FBN2: variants seen among roughly 807,000 people sequenced by gnomAD.
FBN2 encodes fibrillin-2.
A neutral mutation model predicts 355.6 loss-of-function variants in FBN2; 105 were observed. That is an observed-to-expected ratio of 0.30 (90% CI 0.25 to 0.35). The LOEUF (loss-of-function observed/expected upper bound fraction) is 0.35. FBN2 is among the 10% of genes least tolerant of loss of function. FBN2 has a pLI of 1.00. For synonymous variants in FBN2, 1,350 were observed against 1,301.2 expected (o/e 1.04, Z -0.81); for missense variants, 3,280 against 3,758.7 (o/e 0.87, Z 3.33).
rs1340754117 is a variant in FBN2, at chr5:128,310,390, ATATATATATATATTTTTT to A, written c.5075-300_5075-283del. 0.04 allele frequency among the ~76,000 whole-genome samples: 1,186 copies of A among 30,006 alleles called. 17 individuals carry two copies. The highest frequency in any genetic ancestry group is 0.16 in the South Asian group (204 of 1,242). 19.7% of individuals were successfully genotyped at this position (30,006 alleles called of 152,430 possible). On this transcript the variant is annotated intron_variant, in intron 39 of 64. Coordinates refer to ENST00000262464, the MANE Select transcript of FBN2 (RefSeq NM_001999.4). ...CATATATATATATATATATATATAT[ATATATATATATATTTTTT>A]TTTTTTTTTTTTTATTGCAATTCGC...
rs190450 is a variant in FBN2, at chr5:128,278,780, A to G, written c.7200T>C (p.Ser2400=). The G allele has an allele frequency of 0.7, 1,134,182 of 1,613,582 alleles. 400,515 individuals carry two copies. The highest frequency in any genetic ancestry group is 0.87 in the East Asian group (39,050 of 44,838). ...CTGACTTAGTGACGAGATTGCGACTACTGGATGCCATTTGACATATTGTCT... is the reference window on the plus strand; with the variant it reads ...CTGACTTAGTGACGAGATTGCGACTGCTGGATGCCATTTGACATATTGTCT... ...VLQTICQMAS[S]SRNLVTKSEC... is the part of the protein sequence containing the mutation. The change falls in exon 57 of 65, where the codon AGT becomes AGC. Residue 2400 remains serine (S), a synonymous_variant. Coordinates refer to ENST00000262464, the MANE Select transcript of FBN2 (RefSeq NM_001999.4).
chr5:128,345,004 G>T (rs1327195042), intron 24 of FBN2, among the ~76,000 whole-genome samples: 1 of 152,122 alleles, frequency 6.6e-6, no homozygotes, highest in Non-Finnish European at 1.5e-5. Flanking sequence ...CCCGGCCAAA[G>T]ATTCTATATG....
intron 25 of FBN2, among the ~76,000 whole-genome samples, chr5:128,340,359 C>A (rs545200995): frequency 6.6e-6 from 1 of 152,270 alleles, no homozygotes; most frequent in African/African-American, 2.4e-5. Context: ...GTATTTATTT[C>A]TCCAATTACA....
At chr5:128,275,902 G>A (rs1765384048) in intron 59 of FBN2, 136 bp downstream of exon 59, 2 of 957,950 alleles carry the variant, frequency 2.1e-6, no homozygotes, top group South Asian at 2.7e-5. Flanking sequence ...GTTTTTCTAT[G>A]AGCAATAACA....
intron 5 of FBN2, among the ~76,000 whole-genome samples, chr5:128,485,029 CTT>C (rs60338249): frequency 1.3e-5 from 2 of 149,368 alleles, no homozygotes; most frequent in East Asian, 3.9e-4. Context: ...CACAAGGAAA[CTT>C]TTTTTTTTTT....
chr5:128,523,522 C>T (rs138448185), intron 4 of FBN2, among the ~76,000 whole-genome samples: 304 of 152,152 alleles, frequency 2.0e-3, no homozygotes, highest in African/African-American at 6.9e-3. Flanking sequence ...TATAATAATT[C>T]GGTCTATACG....
intron 7 of FBN2, among the ~76,000 whole-genome samples, chr5:128,414,406 T>A (rs534579100): frequency 6.6e-6 from 1 of 152,188 alleles, no homozygotes; most frequent in Non-Finnish European, 1.5e-5. Flanking sequence ...TCTGGCTTCT[T>A]TCACTTAGTT....
At position 128,537,697 on chromosome 5, in the gene FBN2, A is replaced by G. The variant is rs1351831553; in HGVS notation, c.-94T>C. The G allele has an allele frequency of 7.7e-7, 1 of 1,294,372 alleles. No individual in the cohort carries two copies. Among genetic ancestry groups the G allele is most frequent in the Non-Finnish European group, 1.1e-6 (1 of 922,706 alleles). The allele number at this position is 1,294,372 out of a possible 1,614,324, so 80.2% of individuals were successfully genotyped here. Reference sequence around the variant, plus strand: ...CTCAGAAAAGAGTCAGGGTCTAATAAGCCCTTCGTCGGCTCCGGGGACTCC... The same window carrying G: ...CTCAGAAAAGAGTCAGGGTCTAATAGGCCCTTCGTCGGCTCCGGGGACTCC... On this transcript the variant is annotated 5_prime_UTR_variant, in exon 1 of 65. Coordinates refer to ENST00000262464, the MANE Select transcript of FBN2 (RefSeq NM_001999.4).
chr5:128,360,600 C>A (rs1328901303), intron 19 of FBN2, among the ~76,000 whole-genome samples: 1 of 151,312 alleles, frequency 6.6e-6, no homozygotes, highest in Non-Finnish European at 1.5e-5. Context: ...TTTTTAGTGG[C>A]CCCTCTGATT....
chr5:128,301,804 C>G (rs1749728070), intron 46 of FBN2, among the ~76,000 whole-genome samples: 2 of 152,104 alleles, frequency 1.3e-5, no homozygotes, highest in Non-Finnish European at 2.9e-5. Flanking sequence ...GCTTTCCATT[C>G]TTTCTAACTG....
chr5:128,502,854 CTTCT>C (rs1755854780), intron 5 of FBN2, among the ~76,000 whole-genome samples: 1 of 152,196 alleles, frequency 6.6e-6, no homozygotes, highest in African/African-American at 2.4e-5. Context: ...GAAAATTCCT[CTTCT>C]TTATGTGCTA....
At chr5:128,358,418 T>C (rs967722121) in intron 19 of FBN2, among the ~76,000 whole-genome samples, 18 of 152,108 alleles carry the variant, frequency 1.2e-4, no homozygotes, top group African/African-American at 3.9e-4. Flanking sequence ...TCTCTAAATA[T>C]TTCTTTGAAT....
chr5:128,309,086 C>T (rs1749963332), intron 41 of FBN2, among the ~76,000 whole-genome samples, 161 bp downstream of exon 41: 1 of 152,242 alleles, frequency 6.6e-6, no homozygotes. Flanking sequence ...GTGTTTGAAT[C>T]CCAAAGAGGA....
chr5:128,431,483 A>AT (rs1167800523), intron 7 of FBN2, among the ~76,000 whole-genome samples: 2 of 152,242 alleles, frequency 1.3e-5, no homozygotes, highest in Non-Finnish European at 2.9e-5. Context: ...TACTGTCGCC[A>AT]TAACTTTTGC....
intron 6 of FBN2, among the ~76,000 whole-genome samples, chr5:128,455,796 C>A (rs772077570): frequency 1.3e-5 from 2 of 151,650 alleles, no homozygotes; most frequent in African/African-American, 2.4e-5. Context: ...GTGCAACCCA[C>A]GAATCGGAGG....
chr5:128,369,291 T>C lies in FBN2; in HGVS notation c.2139A>G (p.Gly713=), dbSNP rs765559907. Residue 713 remains glycine, a synonymous_variant, in exon 16 of 65, where the codon GGA becomes GGG. Transcript: ENST00000262464. ...CACCGGGGAAAGGACGCACACACAC[T>C]CCTTTCTTGATTCCTCCATAGCAGG... The part of the protein sequence containing the change: ...RSTCYGGIKK[G]VCVRPFPGAV... 4 of 1,613,932 alleles carry C rather than the reference T, an allele frequency of 2.5e-6. No individual in the cohort carries two copies. Among genetic ancestry groups the C allele is most frequent in the Middle Eastern group, 3.3e-4 (2 of 6,084 alleles).
chr5:128,297,243 A>T (rs1265874422), intron 48 of FBN2, among the ~76,000 whole-genome samples: 2 of 151,868 alleles, frequency 1.3e-5, no homozygotes, highest in Non-Finnish European at 2.9e-5. Flanking sequence ...TTCTGAGGAG[A>T]GCTTTACTTC....
chr5:128,328,239 G>A, intron 34 of FBN2: 1 of 292,720 alleles, frequency 3.4e-6, no homozygotes, highest in Non-Finnish European at 6.5e-6. Flanking sequence ...AGCCCTTGCT[G>A]AATCCCTGAA....
intron 5 of FBN2, among the ~76,000 whole-genome samples, chr5:128,465,663 AG>A (rs1263056510): frequency 2.0e-5 from 3 of 152,194 alleles, no homozygotes; most frequent in Non-Finnish European, 4.4e-5. Context: ...CTTACACGTA[AG>A]TTAGTATTAT....
Sources: gnomAD v4.1 joint callset for allele counts (sites outside exome capture counted in the v4.1 genomes callset) on GRCh38, gnomAD v4.1.1 for gene constraint, MANE v1.5 for transcripts, NCBI Gene and HGNC (gene_info 2026-07-23, HGNC 2026-07-21) for gene names.